SLC44A5: variants seen among roughly 807,000 people sequenced by gnomAD.
SLC44A5 encodes solute carrier family 44 member 5.
In SLC44A5, 57 loss-of-function variants were observed where a neutral mutation model predicts 101.8. The ratio of observed to expected loss-of-function variants is 0.56; its 90% confidence interval spans 0.45 to 0.70. The LOEUF is 0.70. Among genes scored for constraint, SLC44A5 ranks in the 30% least tolerant of loss-of-function variants. The pLI is 0.00. For missense variants in SLC44A5, 737 were observed against 853.1 expected (o/e 0.86, Z 1.70); for synonymous variants, 281 against 290.9 (o/e 0.97, Z 0.35).
At chr1:75,707,374 A>G in the SLC44A5 span, among the ~76,000 whole-genome samples, 1 of 152,084 alleles carries the variant, frequency 6.6e-6, no homozygotes, top group Admixed American at 6.6e-5. Context: ...GGTAATTCAC[A>G]TTTTTTTCCC....
chr1:75,627,368 C>G, the SLC44A5 span, among the ~76,000 whole-genome samples: 2 of 151,844 alleles, frequency 1.3e-5, no homozygotes, highest in Non-Finnish European at 2.9e-5. Context: ...ATTAGGGAGC[C>G]CCTGAATGTC....
In SLC44A5 at chr1:75,203,850, TAC is replaced by T; in HGVS notation, c.2048-19_2048-18del. ...AATCTTCCACTAGGAGGAAGAATGG[TAC>T]AGAGTAAATATCAAAGCAGAACTGT... is the stretch of plus-strand genomic sequence containing the variant. On this transcript the variant is annotated intron_variant, in intron 23 of 23. Coordinates refer to ENST00000370859, the MANE Select transcript of SLC44A5 (RefSeq NM_001130058.2). 6.5e-7 allele frequency: 1 copy of T among 1,540,730 alleles called. No individual in the cohort carries two copies. The highest frequency in any genetic ancestry group is 2.5e-5 in the East Asian group (1 of 40,228).
intron 2 of SLC44A5, among the ~76,000 whole-genome samples, chr1:75,403,321 C>A (rs1250227211): frequency 6.6e-6 from 1 of 152,200 alleles, no homozygotes; most frequent in Non-Finnish European, 1.5e-5. Flanking sequence ...AGCAGCAAAT[C>A]TCCCAGCACA....
chr1:75,260,750 C>A (rs542051088), intron 6 of SLC44A5, among the ~76,000 whole-genome samples: 1 of 152,228 alleles, frequency 6.6e-6, no homozygotes, highest in Non-Finnish European at 1.5e-5. Flanking sequence ...TACACTTATT[C>A]TAAAATTGAC....
the SLC44A5 span, among the ~76,000 whole-genome samples, chr1:75,629,481 T>C: frequency 6.6e-6 from 1 of 152,164 alleles, no homozygotes; most frequent in Non-Finnish European, 1.5e-5. Context: ...AGAAAACATT[T>C]ACTAAAATTT....
intron 3 of SLC44A5, among the ~76,000 whole-genome samples, chr1:75,355,557 C>T (rs1159596029): frequency 6.6e-6 from 1 of 152,114 alleles, no homozygotes; most frequent in Non-Finnish European, 1.5e-5. Context: ...AAATGTCTGA[C>T]AAAGAGGTCC....
chr1:75,347,065 T>A (rs1027192167), intron 3 of SLC44A5, among the ~76,000 whole-genome samples: 1 of 152,178 alleles, frequency 6.6e-6, no homozygotes, highest in Non-Finnish European at 1.5e-5. Context: ...AGAATTAAGT[T>A]CTTCTGTAAG....
chr1:75,314,289 T>C (rs960976583), intron 4 of SLC44A5, among the ~76,000 whole-genome samples: 2 of 152,174 alleles, frequency 1.3e-5, no homozygotes, highest in Non-Finnish European at 2.9e-5. Context: ...TCAGTGTCTG[T>C]GCAGCCTGGT....
intron 2 of SLC44A5, among the ~76,000 whole-genome samples, chr1:75,485,277 TGCTTCAGAAAAA>T (rs1447836222): frequency 2.8e-4 from 43 of 152,366 alleles, no homozygotes; most frequent in Admixed American, 1.8e-3. Flanking sequence ...CATGATTGTA[TGCTTCAGAAAAA>T]GCTGGAATGC....
At chr1:75,524,139 G>T (rs1670292641) in intron 2 of SLC44A5, among the ~76,000 whole-genome samples, 1 of 152,164 alleles carries the variant, frequency 6.6e-6, no homozygotes, top group Non-Finnish European at 1.5e-5. Context: ...CTTCTTTGCT[G>T]TTCTCATGAT....
At chr1:75,444,483 G>GA (rs1553181287) in intron 2 of SLC44A5, among the ~76,000 whole-genome samples, 8,915 of 140,532 alleles carry the variant, frequency 0.063, 471 homozygotes, top group Admixed American at 0.16. Flanking sequence ...GAGAAAGAAA[G>GA]AAGAAAGAAA....
At chr1:75,238,244 G>A (rs1241498236) in intron 10 of SLC44A5, among the ~76,000 whole-genome samples, 1 of 150,324 alleles carries the variant, frequency 6.7e-6, no homozygotes, top group Non-Finnish European at 1.5e-5. Flanking sequence ...GCAGTGAGCT[G>A]AGATATGGCC....
intron 1 of SLC44A5, among the ~76,000 whole-genome samples, chr1:75,593,126 A>C (rs527800000): frequency 6.6e-6 from 1 of 152,268 alleles, no homozygotes; most frequent in East Asian, 1.9e-4. Flanking sequence ...ATACACAAGG[A>C]ACTCAACACT....
intron 6 of SLC44A5, among the ~76,000 whole-genome samples, chr1:75,252,965 ACTC>A (rs1372774104): frequency 2.0e-5 from 3 of 151,740 alleles, no homozygotes; most frequent in African/African-American, 7.3e-5. Context: ...TTCAGTGAGG[ACTC>A]CCCCAGAAAA....
intron 3 of SLC44A5, among the ~76,000 whole-genome samples, chr1:75,343,960 G>A (rs554935162): frequency 1.3e-5 from 2 of 152,106 alleles, no homozygotes; most frequent in African/African-American, 2.4e-5. Flanking sequence ...GGCTTTTTAC[G>A]ATATGGCTCA....
intron 1 of SLC44A5, among the ~76,000 whole-genome samples, chr1:75,548,714 T>C (rs932544114): frequency 1.3e-5 from 2 of 152,140 alleles, no homozygotes; most frequent in African/African-American, 4.8e-5. Flanking sequence ...ACTTGGAAAC[T>C]GTGGCATAGA....
intron 13 of SLC44A5, among the ~76,000 whole-genome samples, chr1:75,227,378 C>CATAAATAA (rs150014694): frequency 7.0e-4 from 106 of 151,904 alleles, no homozygotes; most frequent in African/African-American, 2.5e-3. Context: ...AAATTAAATA[C>CATAAATAA]ATAAATAAAT....
the SLC44A5 span, among the ~76,000 whole-genome samples, chr1:75,616,807 G>A: frequency 6.6e-6 from 1 of 152,226 alleles, no homozygotes. Context: ...TTAATAGTGA[G>A]GGCCCAGGAT....
chr1:75,609,106 GAATAAAATAGATT>G (rs1462138814), intron 1 of SLC44A5, among the ~76,000 whole-genome samples: 1 of 151,468 alleles, frequency 6.6e-6, no homozygotes, highest in Non-Finnish European at 1.5e-5. Flanking sequence ...CTACATGAAC[GAATAAAATAGATT>G]AATATCCTAC....
Sources: allele counts gnomAD v4.1 joint callset (sites outside exome capture counted in the v4.1 genomes callset), GRCh38; gene constraint gnomAD v4.1.1; transcripts MANE v1.5; gene names NCBI Gene and HGNC (gene_info 2026-07-23, HGNC 2026-07-21).